LUZP2: variants seen among roughly 807,000 people sequenced by gnomAD.
LUZP2 encodes the protein leucine zipper protein 2.
LUZP2 carries 52 observed loss-of-function variants against 51.6 expected under a neutral mutation model. That is an observed-to-expected ratio of 1.01 (90% confidence interval 0.81 to 1.27). LUZP2 has a LOEUF of 1.27. Among genes scored for constraint, LUZP2 ranks in the 50% most tolerant of loss-of-function variants. LUZP2 has a pLI of 0.00. For synonymous variants in LUZP2, 154 were observed against 137.3 expected (o/e 1.12, Z -0.85); for missense variants, 436 against 395.4 (o/e 1.10, Z -0.87).
chr11:24,665,597 A>T (rs1856186738), intron 1 of LUZP2, among the ~76,000 whole-genome samples: 1 of 152,164 alleles, frequency 6.6e-6, no homozygotes, highest in Non-Finnish European at 1.5e-5. Flanking sequence ...TAATTGAATC[A>T]TGGGGGCATT....
At chr11:24,528,709 G>A (rs1032325172) in intron 1 of LUZP2, among the ~76,000 whole-genome samples, 2 of 151,050 alleles carry the variant, frequency 1.3e-5, no homozygotes, top group Non-Finnish European at 1.5e-5. Context: ...TGGAGATTCT[G>A]CTTTCTACAG....
intron 9 of LUZP2, among the ~76,000 whole-genome samples, chr11:25,039,791 T>C (rs937277152): frequency 6.6e-6 from 1 of 152,168 alleles, no homozygotes; most frequent in Non-Finnish European, 1.5e-5. Context: ...ATTTTTAAAA[T>C]TTTTTATTGC....
At chr11:24,880,448 T>C (rs1028111168) in intron 5 of LUZP2, among the ~76,000 whole-genome samples, 3 of 152,196 alleles carry the variant, frequency 2.0e-5, no homozygotes, top group Non-Finnish European at 2.9e-5. Flanking sequence ...AAGTGAATTT[T>C]TGTGTAGAGA....
intron 5 of LUZP2, among the ~76,000 whole-genome samples, chr11:24,780,128 C>T (rs1401561730): frequency 6.6e-6 from 1 of 152,050 alleles, no homozygotes; most frequent in Non-Finnish European, 1.5e-5. Context: ...AGGAAACTAA[C>T]ACAGGTGGGG....
At chr11:25,025,596 C>T (rs997605443) in intron 9 of LUZP2, among the ~76,000 whole-genome samples, 1 of 152,108 alleles carries the variant, frequency 6.6e-6, no homozygotes, top group East Asian at 1.9e-4. Context: ...CAATGAGATA[C>T]CATCTCACAC....
intron 1 of LUZP2, among the ~76,000 whole-genome samples, chr11:24,616,091 T>C (rs1854276829): frequency 6.6e-6 from 1 of 151,934 alleles, no homozygotes. Flanking sequence ...GCATATGTGG[T>C]TGGCAAATAT....
chr11:24,987,497 C>T (rs1237263312), intron 9 of LUZP2, among the ~76,000 whole-genome samples: 6 of 151,868 alleles, frequency 4.0e-5, no homozygotes, highest in Non-Finnish European at 5.9e-5. Flanking sequence ...TATGTCACGC[C>T]ATCCCAGGCT....
At chr11:24,818,950 A>G (rs796809076) in intron 5 of LUZP2, among the ~76,000 whole-genome samples, 1 of 152,220 alleles carries the variant, frequency 6.6e-6, no homozygotes, top group African/African-American at 2.4e-5. Flanking sequence ...AAGGAGCTCA[A>G]TATTTTTTGA....
At chr11:25,032,805 T>G (rs1319377719) in intron 9 of LUZP2, among the ~76,000 whole-genome samples, 1 of 152,212 alleles carries the variant, frequency 6.6e-6, no homozygotes, top group Admixed American at 6.5e-5. Flanking sequence ...GGGGGCCTTA[T>G]ACAATACATT....
chr11:24,682,968 G>A (rs1236862627), intron 1 of LUZP2, among the ~76,000 whole-genome samples: 1 of 151,958 alleles, frequency 6.6e-6, no homozygotes, highest in Admixed American at 6.6e-5. Flanking sequence ...CAGCTTGGGC[G>A]ACAGAGTGAG....
intron 4 of LUZP2, among the ~76,000 whole-genome samples, chr11:24,742,835 A>G (rs910729131): frequency 3.3e-5 from 5 of 152,194 alleles, no homozygotes; most frequent in Admixed American, 3.3e-4. Flanking sequence ...CAGGTCTTAG[A>G]TATAAGTCCT....
chr11:24,690,261 C>T (rs952478112), intron 1 of LUZP2, among the ~76,000 whole-genome samples: 1 of 152,008 alleles, frequency 6.6e-6, no homozygotes, highest in African/African-American at 2.4e-5. Flanking sequence ...TTTTCCAAGG[C>T]CTTGCTACAA....
chr11:24,795,721 G>A (rs2134104607), intron 5 of LUZP2, among the ~76,000 whole-genome samples: 1 of 152,072 alleles, frequency 6.6e-6, no homozygotes, highest in Middle Eastern at 3.4e-3. Flanking sequence ...ATGTAATTTG[G>A]GTTTAGTCTT....
intron 5 of LUZP2, among the ~76,000 whole-genome samples, chr11:24,768,920 C>T (rs77516685): frequency 0.08 from 12,208 of 152,134 alleles, 1,054 homozygotes; most frequent in African/African-American, 0.22. Flanking sequence ...GAAATGAAAT[C>T]AATATGTTGA....
intron 7 of LUZP2, among the ~76,000 whole-genome samples, chr11:24,966,981 TAC>T (rs931483595): frequency 6.6e-6 from 1 of 150,622 alleles, no homozygotes; most frequent in Admixed American, 6.7e-5. Flanking sequence ...TGCATTGAAT[TAC>T]AGTTTGTCTT....
At chr11:25,034,713 C>T (rs1344172902) in intron 9 of LUZP2, among the ~76,000 whole-genome samples, 1 of 151,978 alleles carries the variant, frequency 6.6e-6, no homozygotes, top group African/African-American at 2.4e-5. Context: ...TTGGCCTTGT[C>T]GAAGATGAAA....
At chr11:24,695,507 G>C (rs997064868) in intron 1 of LUZP2, among the ~76,000 whole-genome samples, 1 of 151,930 alleles carries the variant, frequency 6.6e-6, no homozygotes, top group Non-Finnish European at 1.5e-5. Context: ...TCTGAAATAC[G>C]CACTATAATA....
intron 7 of LUZP2, among the ~76,000 whole-genome samples, chr11:24,935,186 G>C (rs80089616): frequency 6.6e-6 from 1 of 152,136 alleles, no homozygotes; most frequent in African/African-American, 2.4e-5. Flanking sequence ...TATATGTTGT[G>C]TATGTATGTC....
intron 1 of LUZP2, among the ~76,000 whole-genome samples, chr11:24,720,854 C>T (rs1424066226): frequency 6.6e-6 from 1 of 152,182 alleles, no homozygotes; most frequent in African/African-American, 2.4e-5. Context: ...CGCCCGCCAC[C>T]ACGTCCGGCT....
Sources: allele counts gnomAD v4.1 joint callset (sites outside exome capture counted in the v4.1 genomes callset), GRCh38; gene constraint gnomAD v4.1.1; transcripts MANE v1.5; gene names NCBI Gene and HGNC (gene_info 2026-07-23, HGNC 2026-07-21).